The following HSF2BP variants were observed in gnomAD, a reference collection of about 807,000 sequenced individuals.
HSF2BP encodes heat shock factor 2-binding protein.
In HSF2BP, 35 loss-of-function variants were observed where a neutral mutation model predicts 35.0. That is an observed-to-expected ratio of 1.00 (90% CI 0.76 to 1.32). The LOEUF (loss-of-function observed/expected upper bound fraction) is 1.32. Ranked by LOEUF, HSF2BP falls within the 40% of genes most tolerant of loss-of-function variation. The pLI is 0.00. For missense variants in HSF2BP, 326 were observed against 321.7 expected (o/e 1.01, Z -0.10); for synonymous variants, 114 against 117.4 (o/e 0.97, Z 0.18).
intron 7 of HSF2BP, among the ~76,000 whole-genome samples, chr21:43,612,085 G>C (rs1424467523): frequency 6.6e-6 from 1 of 152,206 alleles, no homozygotes; most frequent in Admixed American, 6.5e-5. Context: ...TCTGAAAACA[G>C]GACGACACAC....
chr21:43,630,365 C>T lies in HSF2BP; in HGVS notation c.531G>A (p.Ser177=), dbSNP rs571045633. 5 of 1,612,924 alleles carry T rather than the reference C, an allele frequency of 3.1e-6. No individual in the cohort carries two copies. Among genetic ancestry groups the T allele is most frequent in the Admixed American group, 3.3e-5 (2 of 59,790 alleles). ...GAGCGAAAACAAACTGACTTTCATC[C>T]GAATCCAGCTCCTGGACATCACCGT... The part of the protein sequence containing the change: ...SLDGDVQELD[S]DESQFVFALA... Residue 177 remains serine (S), a synonymous_variant, in exon 6 of 9, where the codon TCG becomes TCA. Coordinates refer to ENST00000291560, the MANE Select transcript of HSF2BP (RefSeq NM_007031.2).
At chr21:43,647,790 G>A (rs571912374) in intron 3 of HSF2BP, among the ~76,000 whole-genome samples, 18 of 151,964 alleles carry the variant, frequency 1.2e-4, no homozygotes, top group Admixed American at 2.0e-4. Flanking sequence ...TTAGCCCAGC[G>A]TGGTGGTACA....
chr21:43,607,022 C>T (rs2082143106), intron 7 of HSF2BP, among the ~76,000 whole-genome samples: 1 of 152,156 alleles, frequency 6.6e-6, no homozygotes, highest in Non-Finnish European at 1.5e-5. Flanking sequence ...TGTGGTGGCT[C>T]AAGCCTGTAG....
chr21:43,587,396 T>C (rs2081865808), intron 8 of HSF2BP, among the ~76,000 whole-genome samples: 1 of 151,764 alleles, frequency 6.6e-6, no homozygotes, highest in Non-Finnish European at 1.5e-5. Flanking sequence ...CCAGGCACGG[T>C]AGCTTACGCC....
intron 6 of HSF2BP, among the ~76,000 whole-genome samples, chr21:43,614,148 G>C (rs2082242915): frequency 6.6e-6 from 1 of 152,106 alleles, no homozygotes; most frequent in Admixed American, 6.5e-5. Flanking sequence ...AGGACTGCTT[G>C]AGGCCACAAG....
At chr21:43,588,735 C>A (rs1291752493) in intron 8 of HSF2BP, among the ~76,000 whole-genome samples, 1 of 152,182 alleles carries the variant, frequency 6.6e-6, no homozygotes, top group Admixed American at 6.5e-5. Flanking sequence ...CTCCCACAGA[C>A]TGACACTGTC....
intron 3 of HSF2BP, among the ~76,000 whole-genome samples, chr21:43,645,895 A>G (rs2082702479): frequency 1.3e-5 from 2 of 152,220 alleles, no homozygotes; most frequent in Non-Finnish European, 2.9e-5. Context: ...TTAAAAAGGA[A>G]GGAAGAAAGC....
the HSF2BP span, among the ~76,000 whole-genome samples, chr21:43,499,905 T>C: frequency 1.9e-5 from 2 of 103,460 alleles, 1 homozygote; most frequent in Non-Finnish European, 3.9e-5. Flanking sequence ...AGCACACATG[T>C]ATACCACACG....
chr21:43,649,312 A>G (rs2082751396), intron 3 of HSF2BP, among the ~76,000 whole-genome samples: 1 of 151,980 alleles, frequency 6.6e-6, no homozygotes, highest in South Asian at 2.1e-4. Flanking sequence ...GCGCACCTGT[A>G]GTCCCAGCTA....
intron 5 of HSF2BP, 141 bp downstream of exon 5, chr21:43,633,131 G>A: frequency 2.4e-6 from 2 of 827,994 alleles, no homozygotes; most frequent in Admixed American, 3.0e-5. Context: ...TATACGATAA[G>A]TATTCAATAA....
chr21:43,656,804 ACTTG>A (rs1449006135), intron 2 of HSF2BP, 67 bp from the exon 3 acceptor site: 25 of 1,434,776 alleles, frequency 1.7e-5, no homozygotes, highest in Non-Finnish European at 2.2e-5. Flanking sequence ...GCTCAAGTTA[ACTTG>A]CTTTTCTTTC....
intron 8 of HSF2BP, among the ~76,000 whole-genome samples, chr21:43,574,150 C>G (rs148977738): frequency 1.1e-4 from 17 of 152,174 alleles, no homozygotes; most frequent in African/African-American, 4.1e-4. Flanking sequence ...AGCATCCTGC[C>G]TTCCCCTGGA....
At chr21:43,632,583 C>G (rs1343672616) in intron 5 of HSF2BP, among the ~76,000 whole-genome samples, 3 of 152,122 alleles carry the variant, frequency 2.0e-5, no homozygotes, top group African/African-American at 7.2e-5. Context: ...CCAAGTGTGT[C>G]TGCTGCTCCA....
chr21:43,590,515 A>C (rs555599217), intron 8 of HSF2BP, among the ~76,000 whole-genome samples: 27 of 152,244 alleles, frequency 1.8e-4, no homozygotes, highest in Non-Finnish European at 3.7e-4. Flanking sequence ...GTCCATGCAA[A>C]GACTTGTACA....
chr21:43,579,348 C>A (rs2081690548), intron 8 of HSF2BP, among the ~76,000 whole-genome samples: 2 of 151,984 alleles, frequency 1.3e-5, no homozygotes, highest in Admixed American at 1.3e-4. Context: ...ATATTTGTGG[C>A]TTACAGTAAA....
intron 6 of HSF2BP, among the ~76,000 whole-genome samples, chr21:43,628,543 AGTT>A (rs1425097397): frequency 3.9e-5 from 6 of 152,268 alleles, no homozygotes; most frequent in Non-Finnish European, 4.4e-5. Context: ...TAAGGAAAGA[AGTT>A]GTCTCCATAA....
intron 4 of HSF2BP, among the ~76,000 whole-genome samples, chr21:43,638,775 A>C (rs1480105126): frequency 6.6e-6 from 1 of 152,270 alleles, no homozygotes. Context: ...TTAAAATTCC[A>C]GCAAGGTTTT....
At chr21:43,634,401 A>C (rs2082524511) in intron 4 of HSF2BP, among the ~76,000 whole-genome samples, 1 of 152,212 alleles carries the variant, frequency 6.6e-6, no homozygotes, top group African/African-American at 2.4e-5. Context: ...TCCTGATTTA[A>C]TAAGACAAAA....
At position 43,658,197 on chromosome 21, in the gene HSF2BP, G is replaced by A; in HGVS notation, c.-101C>T. The stretch of plus-strand genomic sequence containing the variant: ...CGAATCCACGCCGGGGGTCGGGAAC[G>A]GAGAGCCGCCAGGCCCAAACCTCCC... On this transcript the variant is annotated 5_prime_UTR_variant, in exon 2 of 9. Transcript: ENST00000291560. The A allele has an allele frequency of 2.2e-6, 3 of 1,342,432 alleles. No individual in the cohort carries two copies. Among genetic ancestry groups the A allele is most frequent in the Non-Finnish European group, 3.0e-6 (3 of 1,015,626 alleles). The allele number at this position is 1,342,432 out of a possible 1,614,324, so 83.2% of individuals were successfully genotyped here. A position where few individuals can be genotyped will look rare whatever the true frequency, so the allele number is the denominator to read the frequency against.
Sources: gnomAD v4.1 joint callset for allele counts (sites outside exome capture counted in the v4.1 genomes callset) on GRCh38, gnomAD v4.1.1 for gene constraint, MANE v1.5 for transcripts, NCBI Gene and HGNC (gene_info 2026-07-23, HGNC 2026-07-21) for gene names.